NRXN3: variants seen among roughly 807,000 people sequenced by gnomAD.
The protein encoded by NRXN3 is neurexin III.
A neutral mutation model predicts 137.6 loss-of-function variants in NRXN3; 32 were observed. The observed-to-expected ratio is 0.23, with a 90% CI of 0.18 to 0.31. The LOEUF (loss-of-function observed/expected upper bound fraction) is 0.31, where lower values mean the gene tolerates loss of function less well. Among genes scored for constraint, NRXN3 ranks in the 10% least tolerant of loss-of-function variants. The probability of loss-of-function intolerance (pLI) is 1.00; values close to 1 mark genes in which losing one functional copy is unlikely to be tolerated. For missense variants in NRXN3, 1,574 were observed against 2,062.5 expected (o/e 0.76, Z 4.59); for synonymous variants, 798 against 784.5 (o/e 1.02, Z -0.29).
chr14:79,559,835 T>G (rs1826218650), intron 16 of NRXN3, among the ~76,000 whole-genome samples: 1 of 152,146 alleles, frequency 6.6e-6, no homozygotes, highest in East Asian at 1.9e-4. Flanking sequence ...CCTAAGCCTC[T>G]TTTGTAGTCA....
At chr14:78,189,843 A>G (rs771339803) in intron 1 of NRXN3, among the ~76,000 whole-genome samples, 8 of 152,142 alleles carry the variant, frequency 5.3e-5, no homozygotes, top group Non-Finnish European at 1.2e-4. Flanking sequence ...TGGCCATTTC[A>G]TGTTCCCAGG....
chr14:79,460,144 T>C (rs915742726), intron 15 of NRXN3, among the ~76,000 whole-genome samples: 1 of 152,146 alleles, frequency 6.6e-6, no homozygotes, highest in Non-Finnish European at 1.5e-5. Flanking sequence ...TTAGTCAAAC[T>C]TTCTGGGAGT....
chr14:79,068,689 A>G (rs2152701553), intron 15 of NRXN3, among the ~76,000 whole-genome samples: 1 of 152,224 alleles, frequency 6.6e-6, no homozygotes, highest in East Asian at 1.9e-4. Flanking sequence ...GGTTTAAACA[A>G]CTATATGTTC....
At chr14:78,289,628 G>A (rs1028331784) in intron 3 of NRXN3, among the ~76,000 whole-genome samples, 7 of 151,440 alleles carry the variant, frequency 4.6e-5, no homozygotes, top group Admixed American at 1.3e-4. Context: ...AAAAACGCTC[G>A]ATGGGGGCCA....
At chr14:78,524,533 A>G (rs2096346055) in intron 4 of NRXN3, among the ~76,000 whole-genome samples, 2 of 152,194 alleles carry the variant, frequency 1.3e-5, no homozygotes, top group Admixed American at 6.5e-5. Flanking sequence ...GACCGATTGA[A>G]TCAGGTTCTT....
chr14:78,869,290 T>C (rs2099095525), intron 10 of NRXN3, among the ~76,000 whole-genome samples: 1 of 152,180 alleles, frequency 6.6e-6, no homozygotes, highest in African/African-American at 2.4e-5. Flanking sequence ...CGATCACTGA[T>C]CTAGGGTGAG....
intron 4 of NRXN3, among the ~76,000 whole-genome samples, chr14:78,396,206 T>C (rs2091440649): frequency 6.6e-6 from 1 of 152,058 alleles, no homozygotes; most frequent in South Asian, 2.1e-4. Context: ...AATCATAGTC[T>C]ACTAGTCTCA....
intron 15 of NRXN3, among the ~76,000 whole-genome samples, chr14:79,283,252 G>T (rs2153447605): frequency 6.6e-6 from 1 of 152,104 alleles, no homozygotes; most frequent in East Asian, 1.9e-4. Context: ...CCTTGATTTT[G>T]GTATGAAAGA....
At chr14:79,077,420 T>C (rs1466915154) in intron 15 of NRXN3, among the ~76,000 whole-genome samples, 2 of 152,222 alleles carry the variant, frequency 1.3e-5, no homozygotes, top group Admixed American at 1.3e-4. Context: ...TTTTTTCCTC[T>C]TCTTTTCCTA....
chr14:79,364,693 C>A (rs1468086604), intron 15 of NRXN3, among the ~76,000 whole-genome samples: 1 of 151,866 alleles, frequency 6.6e-6, no homozygotes, highest in Non-Finnish European at 1.5e-5. Context: ...GCAAAGAGAG[C>A]CCTCAAAAAT....
intron 20 of NRXN3, among the ~76,000 whole-genome samples, chr14:79,852,257 A>ACACT (rs2099393214): frequency 6.6e-6 from 1 of 150,784 alleles, no homozygotes; most frequent in South Asian, 2.1e-4. Flanking sequence ...ACACACACAC[A>ACACT]CACACACACA....
In NRXN3 at chr14:79,325,630, G is replaced by A. The variant is rs113176870; in HGVS notation, c.3263-141591G>A. Among the ~76,000 whole-genome samples, 1,461 of 152,294 alleles carry A rather than the reference G, an allele frequency of 9.6e-3. 8 individuals carry two copies. The highest frequency in any genetic ancestry group is 0.016 in the Non-Finnish European group (1,060 of 68,028). On this transcript the variant is annotated intron_variant, in intron 15 of 20. Transcript: ENST00000335750. The stretch of plus-strand genomic sequence containing the variant: ...AGAGGCACTCTGAAAGCATGAGGCA[G>A]GTGAAAGCGTGTCTGTGTGTTGCTT...
chr14:79,841,402 A>T (rs1353304398), intron 20 of NRXN3, among the ~76,000 whole-genome samples: 1 of 152,190 alleles, frequency 6.6e-6, no homozygotes, highest in Non-Finnish European at 1.5e-5. Flanking sequence ...CAGCACAAAG[A>T]AAACAGTCAA....
At chr14:79,397,772 A>G (rs1436155121) in intron 15 of NRXN3, among the ~76,000 whole-genome samples, 1 of 152,198 alleles carries the variant, frequency 6.6e-6, no homozygotes, top group African/African-American at 2.4e-5. Flanking sequence ...ACCTGTGAGT[A>G]CTCAGAACCT....
intron 16 of NRXN3, among the ~76,000 whole-genome samples, chr14:79,587,295 T>A (rs770489575): frequency 2.6e-5 from 4 of 152,260 alleles, no homozygotes; most frequent in Non-Finnish European, 4.4e-5. Context: ...TTTGCCACTA[T>A]AAATATAGTT....
At chr14:78,725,186 C>T (rs982190029) in intron 8 of NRXN3, among the ~76,000 whole-genome samples, 3 of 152,172 alleles carry the variant, frequency 2.0e-5, no homozygotes, top group Admixed American at 2.0e-4. Flanking sequence ...AGATTTCAAT[C>T]TTCTCTGCAG....
intron 15 of NRXN3, among the ~76,000 whole-genome samples, chr14:79,209,780 G>A (rs1435412102): frequency 6.6e-6 from 1 of 152,130 alleles, no homozygotes; most frequent in African/African-American, 2.4e-5. Context: ...ATGAATCAGT[G>A]AATGAGTGAT....
chr14:79,605,876 G>C (rs1254343008), intron 16 of NRXN3, among the ~76,000 whole-genome samples: 1 of 152,158 alleles, frequency 6.6e-6, no homozygotes, highest in Non-Finnish European at 1.5e-5. Flanking sequence ...TAAAAAGCAG[G>C]AGACAAATGG....
intron 4 of NRXN3, among the ~76,000 whole-genome samples, chr14:78,508,196 A>G (rs1403848249): frequency 6.6e-6 from 1 of 152,198 alleles, no homozygotes; most frequent in Non-Finnish European, 1.5e-5. Flanking sequence ...TAAGACAGAA[A>G]TTCTGCTGAT....
Sources: gnomAD v4.1 joint callset for allele counts (sites outside exome capture counted in the v4.1 genomes callset) on GRCh38, gnomAD v4.1.1 for gene constraint, MANE v1.5 for transcripts, NCBI Gene and HGNC (gene_info 2026-07-23, HGNC 2026-07-21) for gene names.